PHF12: variants seen among roughly 807,000 people sequenced by gnomAD.
PHF12 encodes the protein PHD finger protein 12.
A neutral mutation model predicts 99.8 loss-of-function variants in PHF12; 6 were observed. The ratio of observed to expected loss-of-function variants is 0.06; its 90% CI spans 0.03 to 0.12. PHF12 has a LOEUF of 0.12. PHF12 is among the 10% of genes least tolerant of loss of function. PHF12 has a pLI of 1.00. For missense variants in PHF12, 954 were observed against 1,300.1 expected (o/e 0.73, Z 4.09); for synonymous variants, 480 against 514.9 (o/e 0.93, Z 0.92).
At chr17:28,923,376 G>A (rs1313370187) in intron 4 of PHF12, among the ~76,000 whole-genome samples, 2 of 151,144 alleles carry the variant, frequency 1.3e-5, no homozygotes, top group African/African-American at 4.9e-5. Flanking sequence ...ATAATTCTGG[G>A]GCCGGGCGTG....
rs779473927 is a variant in PHF12, at chr17:28,912,830, A to C, written c.1741T>G (p.Trp581Gly). ...GCTGGTGGCGTGAGGGGCCGGGGCC[A>C]GCCTTGCCGGTGTGAGAGGCCTGGT... ...PLPGLSHRQG[W>G]PRPLTPPAAG... Residue 581 changes from tryptophan to glycine, a missense_variant, in exon 9 of 15, where the codon TGG (tryptophan) becomes GGG (glycine). Trp to Gly is a radical substitution (Grantham distance 184). Around this residue, in one of 8 missense-constraint regions of PHF12, gnomAD observed 392 missense variants for 423.1 expected, o/e 0.93. Transcript: ENST00000332830. The C allele has an allele frequency of 6.2e-7, 1 of 1,608,234 alleles. No individual in the cohort carries two copies. The highest frequency in any genetic ancestry group is 1.1e-5 in the South Asian group (1 of 90,660).
chr17:28,941,571 C>T (rs2040616986), intron 2 of PHF12, among the ~76,000 whole-genome samples: 1 of 152,042 alleles, frequency 6.6e-6, no homozygotes, highest in South Asian at 2.1e-4. Context: ...TTTAATTGAC[C>T]TGAAGTTATT....
At chr17:28,927,106 TGA>T in intron 2 of PHF12, 43 bp from the exon 3 acceptor site, 1 of 1,553,716 alleles carries the variant, frequency 6.4e-7, no homozygotes, top group Non-Finnish European at 8.9e-7. Context: ...ACTAGCCCTT[TGA>T]GGCAGTAGGA....
In PHF12 at chr17:28,950,756, G is replaced by T; in HGVS notation, c.66+139C>A. The T allele has an allele frequency of 7.9e-7, 1 of 1,269,228 alleles. No homozygotes were observed. The highest frequency in any genetic ancestry group is 1.1e-6 in the Non-Finnish European group (1 of 942,040). 78.6% of individuals were successfully genotyped at this position (1,269,228 alleles called of 1,614,324 possible). On this transcript the variant is annotated intron_variant, in intron 1 of 14. Coordinates refer to ENST00000332830, the MANE Select transcript of PHF12 (RefSeq NM_001033561.2). The surrounding 1 kb of genome is among the most constrained non-coding windows in gnomAD (Gnocchi z 5.7). ...GCTCAGCCCCCTAAATTGCAAAGAG[G>T]GGAGGGAGAGGCTAGGTGAGGAAGA...
chr17:28,951,453 T>A lies in PHF12; in HGVS notation c.-493A>T. The A allele has an allele frequency of 1.0e-6, 1 of 985,898 alleles. No individual in the cohort carries two copies. Among genetic ancestry groups the A allele is most frequent in the Non-Finnish European group, 1.2e-6 (1 of 830,220 alleles). 61.1% of individuals were successfully genotyped at this position (985,898 alleles called of 1,614,324 possible). On this transcript the variant is annotated 5_prime_UTR_variant, in exon 1 of 15. Coordinates refer to ENST00000332830, the MANE Select transcript of PHF12 (RefSeq NM_001033561.2). ...GTCTGCGTCCCGGCTGCCGCGCACT[T>A]GGCGCAAACTTACCGCGAGCGCCCG... is the stretch of plus-strand genomic sequence containing the variant.
In PHF12 at chr17:28,906,441, C is replaced by G. The variant is rs767961195; in HGVS notation, c.2757G>C (p.Pro919=). The G allele has an allele frequency of 1.2e-6, 2 of 1,614,078 alleles. No homozygotes were observed. The highest frequency in any genetic ancestry group is 3.3e-5 in the Admixed American group (2 of 60,032). The change falls in exon 15 of 15, where the codon CCG becomes CCC. Residue 919 remains proline, a synonymous_variant. Coordinates refer to ENST00000332830, the MANE Select transcript of PHF12 (RefSeq NM_001033561.2). The surrounding 1 kb of genome is among the most constrained non-coding windows in gnomAD (Gnocchi z 4.2). ...CTTTGCAATTGCAGGGTCTCCGCTG[C>G]GGCCCCTGGGCCTGGGAACTCATCA... The part of the protein sequence containing the change: ...AAMMSSQAQG[P]QRRPCNCKAS...
chr17:28,914,793 C>T (rs1388769617), intron 7 of PHF12, among the ~76,000 whole-genome samples: 7 of 149,402 alleles, frequency 4.7e-5, no homozygotes, highest in Non-Finnish European at 1.0e-4. Context: ...CAACTAAAGA[C>T]GTCTTTGTGC....
At chr17:28,918,857 C>T (rs1052127875) in intron 6 of PHF12, among the ~76,000 whole-genome samples, 2 of 152,188 alleles carry the variant, frequency 1.3e-5, no homozygotes, top group Non-Finnish European at 2.9e-5. Flanking sequence ...TAATATACTC[C>T]CCTTTTAGGG....
At position 28,949,945 on chromosome 17, in the gene PHF12, T is replaced by A; in HGVS notation, c.248+120A>T. The A allele has an allele frequency of 8.3e-7, 1 of 1,210,250 alleles. No individual in the cohort carries two copies. The highest frequency in any genetic ancestry group is 1.1e-6 in the Non-Finnish European group (1 of 876,132). 75.0% of individuals were successfully genotyped at this position (1,210,250 alleles called of 1,614,324 possible). A position where few individuals can be genotyped will look rare whatever the true frequency, so the allele number is the denominator to read the frequency against. ...GCGGGGAGGTGCTCGCCCCGGCAGC[T>A]GCAGAAAGTCAGCTAGCGGCTGCAA... On this transcript the variant is annotated intron_variant, in intron 2 of 14. Coordinates refer to ENST00000332830, the MANE Select transcript of PHF12 (RefSeq NM_001033561.2). The surrounding 1 kb of genome is among the most constrained non-coding windows in gnomAD (Gnocchi z 4.6).
At position 28,950,281 on chromosome 17, in the gene PHF12, C is replaced by A; in HGVS notation, c.67-35G>T. On this transcript the variant is annotated intron_variant, in intron 1 of 14. Coordinates refer to ENST00000332830, the MANE Select transcript of PHF12 (RefSeq NM_001033561.2). The surrounding 1 kb of genome is among the most constrained non-coding windows in gnomAD (Gnocchi z 5.7). Reference sequence around the variant, plus strand: ...CATACAAACGGCGTGTGTGCACACTCGGAGCTCCCGGGCGGTCCGTCGCCC... The same window carrying A: ...CATACAAACGGCGTGTGTGCACACTAGGAGCTCCCGGGCGGTCCGTCGCCC... The A allele has an allele frequency of 6.4e-7, 1 of 1,566,188 alleles. No individual in the cohort carries two copies. Among genetic ancestry groups the A allele is most frequent in the Non-Finnish European group, 8.6e-7 (1 of 1,158,618 alleles).
chr17:28,910,514 C>T (rs1295457320), intron 10 of PHF12, 145 bp from the exon 11 acceptor site: 4 of 1,008,520 alleles, frequency 4.0e-6, no homozygotes, highest in Non-Finnish European at 5.7e-6. Flanking sequence ...GCAGAGCGTA[C>T]AAGGATCTGC....
intron 2 of PHF12, among the ~76,000 whole-genome samples, chr17:28,932,094 T>C (rs2040422846): frequency 6.6e-6 from 1 of 152,158 alleles, no homozygotes; most frequent in African/African-American, 2.4e-5. Flanking sequence ...AAGCAATTAA[T>C]TCCTTTCAAG....
chr17:28,932,745 A>AG (rs1306978511), intron 2 of PHF12, among the ~76,000 whole-genome samples: 1 of 152,168 alleles, frequency 6.6e-6, no homozygotes, highest in Non-Finnish European at 1.5e-5. Context: ...CAGGAATTCG[A>AG]GACCAGCCTG....
In PHF12 at chr17:28,950,376, T is replaced by A; in HGVS notation, c.67-130A>T. 9.5e-7 allele frequency: 1 copy of A among 1,047,398 alleles called. No homozygotes were observed. Among genetic ancestry groups the A allele is most frequent in the East Asian group, 2.7e-5 (1 of 37,024 alleles). 64.9% of individuals were successfully genotyped at this position (1,047,398 alleles called of 1,614,324 possible). On this transcript the variant is annotated intron_variant, in intron 1 of 14. Coordinates refer to ENST00000332830, the MANE Select transcript of PHF12 (RefSeq NM_001033561.2). This position sits in a 1 kb window ranked among gnomAD's most constrained non-coding sequence, Gnocchi z 5.7. Reference sequence around the variant, plus strand: ...TCCTTCTTCCTCCCATCCAGGCTGCTCCCAGAATCTCTCAGCCCCCGGAAC... The same window carrying A: ...TCCTTCTTCCTCCCATCCAGGCTGCACCCAGAATCTCTCAGCCCCCGGAAC...
intron 2 of PHF12, among the ~76,000 whole-genome samples, chr17:28,932,601 G>A (rs571758939): frequency 1.3e-5 from 2 of 152,252 alleles, no homozygotes; most frequent in East Asian, 1.9e-4. Flanking sequence ...GCAGCCTCAC[G>A]GTACTCATGT....
chr17:28,930,408 A>G (rs1453163610), intron 2 of PHF12, among the ~76,000 whole-genome samples: 1 of 152,224 alleles, frequency 6.6e-6, no homozygotes, highest in African/African-American at 2.4e-5. Context: ...TAAGTACTCA[A>G]TAAAGCTTTA....
chr17:28,909,962 G>T (rs2039929648), intron 11 of PHF12: 1 of 639,370 alleles, frequency 1.6e-6, no homozygotes, highest in Admixed American at 2.5e-5. Context: ...CAAAGGTACT[G>T]GTAGCTGCTT....
chr17:28,917,933 C>T (rs2040091872), intron 6 of PHF12, among the ~76,000 whole-genome samples: 2 of 152,182 alleles, frequency 1.3e-5, no homozygotes, highest in African/African-American at 2.4e-5. Context: ...ACCAGAAATC[C>T]GTGTGCTCTG....
intron 6 of PHF12, among the ~76,000 whole-genome samples, 181 bp downstream of exon 6, chr17:28,918,962 T>C (rs980685716): frequency 6.6e-6 from 1 of 152,150 alleles, no homozygotes; most frequent in African/African-American, 2.4e-5. Context: ...CAAAACATTG[T>C]GAGAAAAAGC....
Sources: gnomAD v4.1 joint callset for allele counts (sites outside exome capture counted in the v4.1 genomes callset) on GRCh38, gnomAD v4.1.1 for gene constraint, gnomAD v4.1.1 regional missense constraint, Gnocchi (gnomAD v3.1) non-coding constraint, MANE v1.5 for transcripts, NCBI Gene and HGNC (gene_info 2026-07-23, HGNC 2026-07-21) for gene names.